IFT25: variants seen among roughly 807,000 people sequenced by gnomAD.
The protein encoded by IFT25 is intraflagellar transport 25.
the IFT25 span, among the ~76,000 whole-genome samples, chr1:53,944,855 T>C: frequency 6.6e-6 from 1 of 152,156 alleles, no homozygotes; most frequent in Non-Finnish European, 1.5e-5. Flanking sequence ...CACCCTTTCA[T>C]CGCTAGCTCA....
chr1:53,942,462 T>A, the IFT25 span, among the ~76,000 whole-genome samples: 1 of 152,256 alleles, frequency 6.6e-6, no homozygotes, highest in Non-Finnish European at 1.5e-5. Flanking sequence ...CATTCACTTA[T>A]ATATTGCCTA....
chr1:53,922,264 C>T, the IFT25 span, among the ~76,000 whole-genome samples: 2 of 152,016 alleles, frequency 1.3e-5, no homozygotes, highest in Non-Finnish European at 1.5e-5. Flanking sequence ...CGTGGTGGCA[C>T]GCACCTGTAA....
chr1:53,932,473 T>C, the IFT25 span, among the ~76,000 whole-genome samples: 1 of 152,360 alleles, frequency 6.6e-6, no homozygotes, highest in East Asian at 1.9e-4. Flanking sequence ...TCTAATTTAA[T>C]TACACAGTGG....
At chr1:53,941,169 A>G in the IFT25 span, among the ~76,000 whole-genome samples, 89 of 152,022 alleles carry the variant, frequency 5.9e-4, 1 homozygote, top group Middle Eastern at 0.01. Flanking sequence ...TAATTTTTGT[A>G]TTTTTAGTAG....
At chr1:53,913,009 T>C in the IFT25 span, among the ~76,000 whole-genome samples, 1 of 152,188 alleles carries the variant, frequency 6.6e-6, no homozygotes, top group Non-Finnish European at 1.5e-5. Flanking sequence ...TACCAAGCCA[T>C]TGTACTCATG....
chr1:53,938,771 G>A, the IFT25 span, among the ~76,000 whole-genome samples: 2 of 152,084 alleles, frequency 1.3e-5, no homozygotes, highest in African/African-American at 2.4e-5. Context: ...TAGTAAGCCA[G>A]AACTATTAAA....
the IFT25 span, among the ~76,000 whole-genome samples, chr1:53,936,399 G>A: frequency 3.3e-5 from 5 of 152,116 alleles, no homozygotes; most frequent in Non-Finnish European, 5.9e-5. Context: ...GCAGTGAGCC[G>A]AGATTGTGCC....
At chr1:53,925,502 A>T in the IFT25 span, among the ~76,000 whole-genome samples, 1 of 151,668 alleles carries the variant, frequency 6.6e-6, no homozygotes, top group Non-Finnish European at 1.5e-5. Context: ...CTACTAAAAA[A>T]AAAATACAAA....
the IFT25 span, among the ~76,000 whole-genome samples, chr1:53,926,077 C>CAA: frequency 3.9e-4 from 21 of 54,010 alleles, no homozygotes; most frequent in African/African-American, 7.6e-4. Flanking sequence ...ACTCCAGTCT[C>CAA]AAAAAAAAAA....
chr1:53,924,622 T>C, the IFT25 span, among the ~76,000 whole-genome samples: 2 of 151,882 alleles, frequency 1.3e-5, no homozygotes, highest in Non-Finnish European at 2.9e-5. Context: ...GGATCACGAG[T>C]TCAGGAGATC....
chr1:53,924,275 TC>T, the IFT25 span, among the ~76,000 whole-genome samples: 1 of 151,926 alleles, frequency 6.6e-6, no homozygotes, highest in Non-Finnish European at 1.5e-5. Flanking sequence ...AATCCCCCTT[TC>T]AAGAAAAAAA....
At chr1:53,915,266 G>C in the IFT25 span, among the ~76,000 whole-genome samples, 49 of 152,276 alleles carry the variant, frequency 3.2e-4, no homozygotes, top group Admixed American at 7.2e-4. Flanking sequence ...ACATTCTAGT[G>C]AGAGAGATGA....
chr1:53,944,922 C>T, the IFT25 span, among the ~76,000 whole-genome samples: 4 of 152,158 alleles, frequency 2.6e-5, no homozygotes, highest in Admixed American at 2.6e-4. Flanking sequence ...CCTTAGAGGA[C>T]CTTCTCCCTG....
chr1:53,916,689 C>T, the IFT25 span: 7 of 317,860 alleles, frequency 2.2e-5, no homozygotes, highest in African/African-American at 4.4e-5. Flanking sequence ...GTGATCTAGC[C>T]GTAATGTTCA....
the IFT25 span, chr1:53,945,559 G>T: frequency 6.5e-6 from 1 of 153,272 alleles, no homozygotes; most frequent in Non-Finnish European, 1.5e-5. Context: ...GCTCACCTGG[G>T]ACTCCCGTTA....
At chr1:53,946,157 C>A in the IFT25 span, 1 of 152,376 alleles carries the variant, frequency 6.6e-6, no homozygotes, top group Non-Finnish European at 1.5e-5. Flanking sequence ...TGCCTACCCT[C>A]CCCCAGCTCA....
chr1:53,921,613 A>G, the IFT25 span: 1 of 1,178,500 alleles, frequency 8.5e-7, no homozygotes, highest in Admixed American at 1.7e-5. Flanking sequence ...CTGTTTAAAT[A>G]TATTGTTAAA....
At chr1:53,923,890 G>A in the IFT25 span, 1 of 1,491,186 alleles carries the variant, frequency 6.7e-7, no homozygotes, top group Non-Finnish European at 9.4e-7. Flanking sequence ...ATTCTATAAA[G>A]TATATTCACT....
At chr1:53,932,083 G>A in the IFT25 span, among the ~76,000 whole-genome samples, 6 of 152,124 alleles carry the variant, frequency 3.9e-5, no homozygotes, top group Non-Finnish European at 5.9e-5. Flanking sequence ...CAGGCATGGT[G>A]GCTCACTCCT....
Sources: allele counts gnomAD v4.1 joint callset (sites outside exome capture counted in the v4.1 genomes callset), GRCh38; gene constraint gnomAD v4.1.1; transcripts MANE v1.5; gene names NCBI Gene and HGNC (gene_info 2026-07-23, HGNC 2026-07-21).